Variants in PCDH9 observed in about 807,000 individuals in gnomAD.
PCDH9 encodes the protein protocadherin 9.
Under a neutral mutation model 70.6 loss-of-function variants are expected in PCDH9, and 24 were observed. That is an observed-to-expected ratio of 0.34 (90% CI 0.25 to 0.48). The LOEUF is 0.48. Ranked by LOEUF, PCDH9 falls within the 20% of genes least tolerant of loss-of-function variation. The pLI is 0.99. For synonymous variants in PCDH9, 562 were observed against 558.5 expected, an observed-to-expected ratio of 1.01 and a Z score of -0.09; for missense variants, 1,281 against 1,503.6, an observed-to-expected ratio of 0.85 and a Z score of 2.45.
rs367827533 is a variant in PCDH9, at chr13:66,930,230, A to T, written c.3037-26625T>A. Among the ~76,000 whole-genome samples, 4 of 152,292 alleles carry T rather than the reference A, an allele frequency of 2.6e-5. No individual in the cohort carries two copies. In the East Asian group the frequency reaches 7.7e-4, roughly 29 times the overall value. On this transcript the variant is annotated intron_variant, in intron 2 of 4. Transcript: ENST00000377865. ...GACAGTCATTCAATACTGTAACACCAATTGTGACCTCAAAGATCGTTTTGT... is the reference window on the plus strand; with the variant it reads ...GACAGTCATTCAATACTGTAACACCTATTGTGACCTCAAAGATCGTTTTGT...
At chr13:66,307,578 A>G (rs1401527336) in intron 4 of PCDH9, among the ~76,000 whole-genome samples, 1 of 152,084 alleles carries the variant, frequency 6.6e-6, no homozygotes, top group East Asian at 1.9e-4. Context: ...CCAATTTGAT[A>G]TGTAACATAT....
At chr13:66,633,586 G>T (rs997119717) in intron 3 of PCDH9, among the ~76,000 whole-genome samples, 2 of 152,064 alleles carry the variant, frequency 1.3e-5, no homozygotes, top group African/African-American at 4.8e-5. Context: ...TACAGTGACT[G>T]ATCTACTGAA....
At chr13:66,655,599 A>AAT (rs200406781) in intron 3 of PCDH9, among the ~76,000 whole-genome samples, 2,325 of 152,106 alleles carry the variant, frequency 0.015, 30 homozygotes, top group Middle Eastern at 0.059. Flanking sequence ...TTATCAAGGG[A>AAT]ATATATATAT....
chr13:66,641,028 T>C (rs1404354209), intron 3 of PCDH9, among the ~76,000 whole-genome samples: 1 of 152,020 alleles, frequency 6.6e-6, no homozygotes, highest in Non-Finnish European at 1.5e-5. Context: ...GTGCTTCCCA[T>C]TGCATTCAGC....
At chr13:66,787,488 T>C (rs986453876) in intron 3 of PCDH9, among the ~76,000 whole-genome samples, 4 of 151,828 alleles carry the variant, frequency 2.6e-5, no homozygotes, top group African/African-American at 9.7e-5. Context: ...TGGTAGCGGG[T>C]ACCTTTAATC....
chr13:67,132,425 T>A (rs577077934), intron 2 of PCDH9, among the ~76,000 whole-genome samples: 1 of 152,266 alleles, frequency 6.6e-6, no homozygotes, highest in African/African-American at 2.4e-5. Context: ...TTTCTCCAGC[T>A]AGAAATTTCT....
At chr13:66,516,784 C>T (rs1959757576) in intron 4 of PCDH9, among the ~76,000 whole-genome samples, 2 of 151,888 alleles carry the variant, frequency 1.3e-5, no homozygotes, top group Non-Finnish European at 2.9e-5. Flanking sequence ...TTGTATGAGT[C>T]ATTTTATCTA....
chr13:66,944,843 G>GTGTGTC lies in PCDH9; in HGVS notation c.3037-41239_3037-41238insGACACA, dbSNP rs1555289280. ...TGTGTGTGTGTGTGTGTGTGTGTGTGTGTGTGTGTGTGTGATTTAACTGTA... is the reference window on the plus strand; with the variant it reads ...TGTGTGTGTGTGTGTGTGTGTGTGTGTGTGTCTGTGTGTGTGTGTGATTTAACTGTA... On this transcript the variant is annotated intron_variant, in intron 2 of 4. Transcript: ENST00000377865. Among the ~76,000 whole-genome samples, 879 of 150,508 alleles carry GTGTGTC rather than the reference G, an allele frequency of 5.8e-3. 16 individuals are homozygous for GTGTGTC. The highest frequency in any genetic ancestry group is 7.2e-3 in the African/African-American group (294 of 40,726).
intron 3 of PCDH9, among the ~76,000 whole-genome samples, chr13:66,737,423 C>T (rs1353902860): frequency 6.6e-6 from 1 of 152,170 alleles, no homozygotes. Flanking sequence ...GTGGGCTACC[C>T]ACATGAGTTG....
chr13:66,433,115 TG>T (rs1957802926), intron 4 of PCDH9, among the ~76,000 whole-genome samples: 2 of 151,988 alleles, frequency 1.3e-5, no homozygotes, highest in South Asian at 4.1e-4. Context: ...AATTGTCATT[TG>T]AAATGGAAGA....
intron 3 of PCDH9, among the ~76,000 whole-genome samples, chr13:66,870,241 G>A (rs576364435): frequency 3.6e-4 from 55 of 152,128 alleles, no homozygotes; most frequent in African/African-American, 1.0e-3. Flanking sequence ...GTAGATATGC[G>A]GTGTTATTTC....
chr13:66,998,331 C>T (rs1173283704), intron 2 of PCDH9, among the ~76,000 whole-genome samples: 1 of 152,160 alleles, frequency 6.6e-6, no homozygotes, highest in Admixed American at 6.5e-5. Context: ...TAGAGTTGTT[C>T]CTTGGGAAAC....
intron 3 of PCDH9, among the ~76,000 whole-genome samples, chr13:66,829,717 CAAAAAAAAAAA>C (rs562176354): frequency 1.3e-4 from 7 of 53,128 alleles, no homozygotes; most frequent in African/African-American, 3.6e-4. Flanking sequence ...GACTCCGTCT[CAAAAAAAAAAA>C]AAAAAAAAAA....
chr13:66,582,094 T>C (rs896931688), intron 4 of PCDH9, among the ~76,000 whole-genome samples: 8 of 152,076 alleles, frequency 5.3e-5, no homozygotes, highest in Non-Finnish European at 4.4e-5. Context: ...TAACCTATCA[T>C]AATGAGATAG....
intron 2 of PCDH9, among the ~76,000 whole-genome samples, chr13:67,073,654 T>G (rs997835083): frequency 2.6e-5 from 4 of 152,092 alleles, no homozygotes; most frequent in African/African-American, 9.7e-5. Context: ...GATCTAAAAC[T>G]TTTGAGGATT....
chr13:67,090,868 A>G (rs1489659270), intron 2 of PCDH9, among the ~76,000 whole-genome samples: 1 of 152,084 alleles, frequency 6.6e-6, no homozygotes, highest in African/African-American at 2.4e-5. Context: ...CGCAGGTTAC[A>G]GTTTAAATGA....
At chr13:66,948,927 G>A (rs2083133400) in intron 2 of PCDH9, among the ~76,000 whole-genome samples, 1 of 151,986 alleles carries the variant, frequency 6.6e-6, no homozygotes, top group African/African-American at 2.4e-5. Context: ...TACGCAGTAG[G>A]GTGTCTATTT....
chr13:66,408,235 T>G (rs1215676156), intron 4 of PCDH9, among the ~76,000 whole-genome samples: 4 of 151,932 alleles, frequency 2.6e-5, no homozygotes, highest in Non-Finnish European at 4.4e-5. Context: ...ATTTTTTGTA[T>G]TTTTAGTAGA....
chr13:66,582,242 C>T (rs1413824508), intron 4 of PCDH9, among the ~76,000 whole-genome samples: 1 of 152,080 alleles, frequency 6.6e-6, no homozygotes, highest in African/African-American at 2.4e-5. Flanking sequence ...TACTAGATAG[C>T]ACCCATGCTA....
Sources: allele counts gnomAD v4.1 joint callset (sites outside exome capture counted in the v4.1 genomes callset), GRCh38; gene constraint gnomAD v4.1.1; transcripts MANE v1.5; gene names NCBI Gene and HGNC (gene_info 2026-07-23, HGNC 2026-07-21).